Variants in CDYL observed in about 807,000 individuals in gnomAD.
CDYL encodes chromodomain Y-like protein.
CDYL carries 8 observed loss-of-function variants against 47.3 expected under a neutral mutation model. The ratio of observed to expected loss-of-function variants is 0.17; its 90% CI spans 0.10 to 0.31. The LOEUF (loss-of-function observed/expected upper bound fraction) is 0.31. Ranked by LOEUF, CDYL falls within the 10% of genes least tolerant of loss-of-function variation. The pLI is 1.00. For missense variants in CDYL, 471 were observed against 701.4 expected (o/e 0.67, Z 3.71); for synonymous variants, 266 against 265.0 (o/e 1.00, Z -0.04).
chr6:4,835,944 C>T (rs990689559), intron 1 of CDYL, among the ~76,000 whole-genome samples: 28 of 152,156 alleles, frequency 1.8e-4, no homozygotes, highest in East Asian at 9.6e-4. Context: ...GCGCAGTATT[C>T]GGGTGGGAGT....
chr6:4,883,065 C>T (rs1180306622), intron 1 of CDYL, among the ~76,000 whole-genome samples: 1 of 152,160 alleles, frequency 6.6e-6, no homozygotes, highest in Admixed American at 6.5e-5. Context: ...CCTAAAATTG[C>T]CTTGTCCCTC....
In CDYL at chr6:4,943,777, A is replaced by AT; in HGVS notation, c.1332+21_1332+22insT. 3 of 1,523,124 alleles carry AT rather than the reference A, an allele frequency of 2.0e-6. No individual in the cohort carries two copies. In the South Asian group the frequency reaches 3.7e-5, roughly 19 times the overall value. 94.4% of individuals were successfully genotyped at this position (1,523,124 alleles called of 1,614,324 possible). On this transcript the variant is annotated intron_variant, in intron 5 of 6. Coordinates refer to ENST00000397588, the MANE Select transcript of CDYL (RefSeq NM_004824.4). ...CATCTGTGAGTACCTTTTTAAAAAAAAAAAAAAAAAGTCATTCTAGAAAGC... is the reference window on the plus strand; with the variant it reads ...CATCTGTGAGTACCTTTTTAAAAAAATAAAAAAAAAAGTCATTCTAGAAAGC...
upstream of CDYL, among the ~76,000 whole-genome samples, chr6:4,774,044 T>G (rs1239999510): frequency 1.3e-5 from 2 of 152,192 alleles, no homozygotes; most frequent in African/African-American, 4.8e-5. Context: ...ATGGCAGTTT[T>G]GGAGACTCCT....
chr6:4,725,588 G>C (rs866169806), intron 2 of CDYL, among the ~76,000 whole-genome samples: 1 of 152,208 alleles, frequency 6.6e-6, no homozygotes, highest in Admixed American at 6.5e-5. Flanking sequence ...CTGCACCTCC[G>C]GGGCTTGCGG....
intron 2 of CDYL, among the ~76,000 whole-genome samples, chr6:4,929,775 A>C (rs1430867120): frequency 6.6e-6 from 1 of 152,066 alleles, no homozygotes; most frequent in South Asian, 2.1e-4. Flanking sequence ...AGATTATAAC[A>C]GTTTTGAAGA....
chr6:4,880,255 A>G (rs1172415370), intron 1 of CDYL, among the ~76,000 whole-genome samples: 1 of 152,012 alleles, frequency 6.6e-6, no homozygotes, highest in African/African-American at 2.4e-5. Flanking sequence ...CTTTTACAAT[A>G]TGTTGTATAG....
intron 2 of CDYL, chr6:4,715,924 A>C (rs765885454): frequency 2.1e-4 from 340 of 1,589,830 alleles, no homozygotes; most frequent in Non-Finnish European, 3.6e-5. Flanking sequence ...TGCAGTAGGC[A>C]GAATTCTTAG....
chr6:4,845,944 C>T (rs1342236979), intron 1 of CDYL, among the ~76,000 whole-genome samples: 1 of 152,130 alleles, frequency 6.6e-6, no homozygotes, highest in East Asian at 1.9e-4. Flanking sequence ...TGAAAACTGG[C>T]ACAATCTAAT....
chr6:4,817,314 T>C (rs1257392797), intron 1 of CDYL, among the ~76,000 whole-genome samples: 2 of 151,858 alleles, frequency 1.3e-5, no homozygotes, highest in East Asian at 3.9e-4. Context: ...CAAGTAATAC[T>C]GTGACCTACT....
intron 1 of CDYL, among the ~76,000 whole-genome samples, chr6:4,846,672 A>G (rs891122133): frequency 1.3e-5 from 2 of 152,154 alleles, no homozygotes; most frequent in Non-Finnish European, 2.9e-5. Flanking sequence ...CTTGCATGCT[A>G]CTAGATGAGA....
intron 2 of CDYL, among the ~76,000 whole-genome samples, chr6:4,895,422 C>CATGTATGCATGTATACGTATATATGT (rs1762236928): frequency 2.1e-4 from 1 of 4,868 alleles, no homozygotes; most frequent in African/African-American, 2.1e-4. Context: ...CGTATATATG[C>CATGTATGCATGTATACGTATATATGT]ATGTATACAT....
intron 2 of CDYL, among the ~76,000 whole-genome samples, chr6:4,914,892 G>C (rs1040405856): frequency 6.6e-6 from 1 of 152,232 alleles, no homozygotes; most frequent in Non-Finnish European, 1.5e-5. Flanking sequence ...CTCCAGCTGG[G>C]AGAGTAGGCA....
intron 5 of CDYL, among the ~76,000 whole-genome samples, chr6:4,951,058 G>A (rs749886058): frequency 7.1e-4 from 108 of 152,154 alleles, no homozygotes; most frequent in Admixed American, 1.5e-3. Context: ...CTGCCTGTGT[G>A]CTCTCCAAGC....
At chr6:4,953,460 A>G (rs1758770219) in intron 6 of CDYL, among the ~76,000 whole-genome samples, 1 of 152,196 alleles carries the variant, frequency 6.6e-6, no homozygotes, top group African/African-American at 2.4e-5. Context: ...TAGGATGTGA[A>G]ATGTATAATA....
At chr6:4,916,910 G>A (rs1264312302) in intron 2 of CDYL, among the ~76,000 whole-genome samples, 3 of 152,318 alleles carry the variant, frequency 2.0e-5, no homozygotes, top group Non-Finnish European at 2.9e-5. Context: ...CCTCTGACAG[G>A]TGGGCCCTGA....
chr6:4,834,233 A>G (rs1487369891), intron 1 of CDYL, among the ~76,000 whole-genome samples: 1 of 152,118 alleles, frequency 6.6e-6, no homozygotes, highest in Non-Finnish European at 1.5e-5. Context: ...TTCCATGTTT[A>G]GTGCTTCTTT....
intron 2 of CDYL, among the ~76,000 whole-genome samples, chr6:4,726,542 A>AG (rs1389618404): frequency 6.6e-6 from 1 of 151,632 alleles, no homozygotes; most frequent in African/African-American, 2.4e-5. Context: ...AAAAAAAAAA[A>AG]AAAAAAAAAT....
At chr6:4,835,553 A>C (rs1022039941) in intron 1 of CDYL, among the ~76,000 whole-genome samples, 7 of 152,244 alleles carry the variant, frequency 4.6e-5, no homozygotes, top group Non-Finnish European at 7.3e-5. Flanking sequence ...GCAGTCTGCC[A>C]GTTCTCAGAT....
chr6:4,773,879 G>A (rs1758376033), upstream of CDYL, among the ~76,000 whole-genome samples: 1 of 152,172 alleles, frequency 6.6e-6, no homozygotes, highest in South Asian at 2.1e-4. This position sits in a 1 kb window ranked among gnomAD's most constrained non-coding sequence, Gnocchi z 4.6. Context: ...AATTGACAAA[G>A]GTCTATGTAA....
Sources: gnomAD v4.1 joint callset for allele counts (sites outside exome capture counted in the v4.1 genomes callset) on GRCh38, gnomAD v4.1.1 for gene constraint, Gnocchi (gnomAD v3.1) non-coding constraint, MANE v1.5 for transcripts, NCBI Gene and HGNC (gene_info 2026-07-23, HGNC 2026-07-21) for gene names.